The following GALNTL6 variants were observed in gnomAD, a reference collection of about 807,000 sequenced individuals.
GALNTL6 encodes the protein polypeptide N-acetylgalactosaminyltransferase-like 6.
Under a neutral mutation model 73.7 loss-of-function variants are expected in GALNTL6, and 46 were observed. The ratio of observed to expected loss-of-function variants is 0.62; its 90% CI spans 0.49 to 0.80. GALNTL6 has a LOEUF of 0.80. Ranked by LOEUF, GALNTL6 falls within the 30% of genes least tolerant of loss-of-function variation. GALNTL6 has a pLI of 0.00. For synonymous variants in GALNTL6, 259 were observed against 263.7 expected (o/e 0.98, Z 0.17); for missense variants, 604 against 755.0 (o/e 0.80, Z 2.34).
In GALNTL6 at chr4:171,844,010, A is replaced by T. The variant is rs187698598; in HGVS notation, c.138+29292A>T. ...AACTTCAAAATATCTGTAACAAGAA[A>T]CAAGTTTTGTGTTTGTGTAAATGCT... On this transcript the variant is annotated intron_variant, in intron 2 of 12. Transcript: ENST00000506823. Among the ~76,000 whole-genome samples the T allele has an allele frequency of 2.2e-4, 33 of 152,300 alleles. 1 individual carries two copies. In the East Asian group the frequency reaches 5.6e-3, roughly 26 times the overall value.
At chr4:172,317,431 A>C (rs1468385472) in intron 4 of GALNTL6, among the ~76,000 whole-genome samples, 1 of 152,176 alleles carries the variant, frequency 6.6e-6, no homozygotes, top group Non-Finnish European at 1.5e-5. Context: ...CGCGTGATCT[A>C]TTCAGTTATT....
intron 10 of GALNTL6, among the ~76,000 whole-genome samples, chr4:172,985,278 T>C (rs1268770427): frequency 2.0e-5 from 3 of 152,016 alleles, no homozygotes; most frequent in African/African-American, 7.2e-5. Flanking sequence ...TAGCAATAAA[T>C]TCCTTTTAAA....
Position 172,229,695 on chromosome 4 carries a change from T to C in GALNTL6, c.178T>C (p.Trp60Arg). 6.2e-7 allele frequency: 1 copy of C among 1,613,936 alleles called. No individual in the cohort carries two copies. The highest frequency in any genetic ancestry group is 2.2e-5 in the East Asian group (1 of 44,876). ...CCTGGGAGATGGGCAATTCTATTCA[T>C]GGACAGATGGTTTGAGAAGAAAGGA... is the stretch of plus-strand genomic sequence containing the variant. ...LGLGDGQFYS[W>R]TDGLRRKDWH... Residue 60 changes from tryptophan (W) to arginine (R), a missense_variant, in exon 3 of 13, where the codon TGG becomes CGG. Transcript: ENST00000506823.
intron 5 of GALNTL6, among the ~76,000 whole-genome samples, chr4:172,472,762 G>T (rs1733097452): frequency 6.6e-6 from 1 of 152,130 alleles, no homozygotes; most frequent in Admixed American, 6.5e-5. Context: ...AATGCCTGGG[G>T]CTACCAGAGG....
intron 2 of GALNTL6, among the ~76,000 whole-genome samples, chr4:172,213,284 A>G (rs992154833): frequency 6.6e-6 from 1 of 152,298 alleles, no homozygotes; most frequent in African/African-American, 2.4e-5. Flanking sequence ...TAAATTTTCA[A>G]ACTAGTTAGG....
At chr4:172,525,918 C>G (rs921405425) in intron 5 of GALNTL6, among the ~76,000 whole-genome samples, 2 of 152,096 alleles carry the variant, frequency 1.3e-5, no homozygotes, top group African/African-American at 4.8e-5. Context: ...GGTTATATAA[C>G]CATGCCACCT....
chr4:172,278,698 A>T (rs940601937), intron 3 of GALNTL6, among the ~76,000 whole-genome samples: 4 of 152,200 alleles, frequency 2.6e-5, no homozygotes, highest in Admixed American at 6.5e-5. Context: ...CAATATTCAT[A>T]TTGATCGATA....
chr4:172,153,171 T>G (rs1215410754), intron 2 of GALNTL6, among the ~76,000 whole-genome samples: 3 of 152,212 alleles, frequency 2.0e-5, no homozygotes, highest in African/African-American at 7.2e-5. Flanking sequence ...TCTAAAACTT[T>G]AATATACAGC....
At chr4:172,345,429 GTC>G (rs1183554385) in intron 4 of GALNTL6, among the ~76,000 whole-genome samples, 1 of 152,178 alleles carries the variant, frequency 6.6e-6, no homozygotes, top group Non-Finnish European at 1.5e-5. Flanking sequence ...GCCTAGAGAT[GTC>G]TCTGAGTAGA....
At chr4:172,601,185 C>T (rs1378312) in intron 5 of GALNTL6, among the ~76,000 whole-genome samples, 99,073 of 151,976 alleles carry the variant, frequency 0.65, 33,068 homozygotes, top group East Asian at 0.99. Flanking sequence ...CTAGATGAAC[C>T]TAATACCAGA....
chr4:172,769,726 A>C (rs1008819085), intron 5 of GALNTL6, among the ~76,000 whole-genome samples: 2 of 152,200 alleles, frequency 1.3e-5, no homozygotes, highest in African/African-American at 4.8e-5. Flanking sequence ...CTTAATTCCC[A>C]AATAGAGAGA....
rs78825862 is a variant in GALNTL6, at chr4:172,633,697, G to A, written c.554-175664G>A. Among the ~76,000 whole-genome samples the A allele has an allele frequency of 8.5e-3, 1,297 of 152,242 alleles. 16 individuals are homozygous for A. The highest frequency in any genetic ancestry group is 0.026 in the African/African-American group (1,086 of 41,544). ...GGACCTGAGATCTTGGAGGGGCCAGGGGTGGAATGATATGTGCTTTGGCTA... is the reference window on the plus strand; with the variant it reads ...GGACCTGAGATCTTGGAGGGGCCAGAGGTGGAATGATATGTGCTTTGGCTA... On this transcript the variant is annotated intron_variant, in intron 5 of 12. Transcript: ENST00000506823.
At chr4:172,978,373 G>C (rs1750923844) in intron 10 of GALNTL6, among the ~76,000 whole-genome samples, 1 of 152,074 alleles carries the variant, frequency 6.6e-6, no homozygotes, top group Non-Finnish European at 1.5e-5. Flanking sequence ...ATGAGGATGA[G>C]CTGCTTCCAT....
chr4:172,624,359 G>A (rs939758934), intron 5 of GALNTL6, among the ~76,000 whole-genome samples: 1 of 151,504 alleles, frequency 6.6e-6, no homozygotes, highest in East Asian at 1.9e-4. Context: ...GGTTACAATT[G>A]TGTGGTTTTT....
chr4:172,951,802 C>T (rs1749455415), intron 9 of GALNTL6, among the ~76,000 whole-genome samples: 1 of 152,202 alleles, frequency 6.6e-6, no homozygotes, highest in Non-Finnish European at 1.5e-5. Flanking sequence ...GATAAATTAA[C>T]TACCAAATTG....
chr4:172,533,823 A>G (rs1049957951), intron 5 of GALNTL6, among the ~76,000 whole-genome samples: 1 of 152,176 alleles, frequency 6.6e-6, no homozygotes, highest in Non-Finnish European at 1.5e-5. Context: ...CTTCATGTAT[A>G]TATTCAAAAT....
chr4:172,805,519 A>G (rs1740904013), intron 5 of GALNTL6, among the ~76,000 whole-genome samples: 1 of 152,114 alleles, frequency 6.6e-6, no homozygotes, highest in African/African-American at 2.4e-5. Flanking sequence ...ACGGGTGCTC[A>G]GTGGATTTTA....
At chr4:172,482,054 C>T (rs1733504952) in intron 5 of GALNTL6, among the ~76,000 whole-genome samples, 1 of 152,218 alleles carries the variant, frequency 6.6e-6, no homozygotes, top group African/African-American at 2.4e-5. Flanking sequence ...AATTCGAGCG[C>T]AGCGCAGGTG....
intron 2 of GALNTL6, among the ~76,000 whole-genome samples, chr4:172,119,521 G>T (rs11132927): frequency 0.098 from 14,970 of 152,082 alleles, 871 homozygotes; most frequent in East Asian, 0.31. Context: ...TCTTGGCCAC[G>T]TTATAACATT....
Sources: gnomAD v4.1 joint callset for allele counts (sites outside exome capture counted in the v4.1 genomes callset) on GRCh38, gnomAD v4.1.1 for gene constraint, MANE v1.5 for transcripts, NCBI Gene and HGNC (gene_info 2026-07-23, HGNC 2026-07-21) for gene names.